Variants in RIMS4 observed in about 807,000 individuals in gnomAD.
The protein encoded by RIMS4 is regulating synaptic membrane exocytosis 4.
A neutral mutation model predicts 29.0 loss-of-function variants in RIMS4; 9 were observed. That is an observed-to-expected ratio of 0.31 (90% CI 0.19 to 0.54). The LOEUF (loss-of-function observed/expected upper bound fraction) is 0.54, where lower values mean the gene tolerates loss of function less well. RIMS4 is among the 20% of genes least tolerant of loss of function. The pLI, the probability that RIMS4 is intolerant of heterozygous loss-of-function variation, is 0.94. For synonymous variants in RIMS4, 130 were observed against 152.9 expected (o/e 0.85, Z 1.10); for missense variants, 193 against 365.7 (o/e 0.53, Z 3.85).
At chr20:44,780,723 C>T (rs753420108) in intron 1 of RIMS4, among the ~76,000 whole-genome samples, 3 of 152,166 alleles carry the variant, frequency 2.0e-5, no homozygotes, top group Non-Finnish European at 2.9e-5. Flanking sequence ...CCTGGTTCAA[C>T]GCAGGCCAGA....
intron 1 of RIMS4, among the ~76,000 whole-genome samples, chr20:44,802,608 C>A (rs1212329608): frequency 6.6e-6 from 1 of 152,204 alleles, no homozygotes; most frequent in Non-Finnish European, 1.5e-5. Context: ...CTTCCAGCTA[C>A]AGCGTGAAAG....
In RIMS4 at chr20:44,754,252, G is replaced by A. The variant is rs1358009542; in HGVS notation, c.*1882C>T. The A allele has an allele frequency of 6.5e-6, 1 of 152,748 alleles. No individual in the cohort carries two copies. Among genetic ancestry groups the A allele is most frequent in the Non-Finnish European group, 1.5e-5 (1 of 68,208 alleles). The allele number at this position is 152,748 out of a possible 1,614,324, so 9.5% of individuals were successfully genotyped here. A position where few individuals can be genotyped will look rare whatever the true frequency, so the allele number is the denominator to read the frequency against. ...CTCTGAAGACCTCCTGGGTAAAGGGGGCGTCTCCATCTCCCCTTCCCAGTG... is the reference window on the plus strand; with the variant it reads ...CTCTGAAGACCTCCTGGGTAAAGGGAGCGTCTCCATCTCCCCTTCCCAGTG... On this transcript the variant is annotated 3_prime_UTR_variant, in exon 6 of 6. Coordinates refer to ENST00000372851, the MANE Select transcript of RIMS4 (RefSeq NM_182970.4).
At chr20:44,774,264 G>T (rs999080196) in intron 1 of RIMS4, among the ~76,000 whole-genome samples, 7 of 152,156 alleles carry the variant, frequency 4.6e-5, no homozygotes, top group African/African-American at 1.7e-4. Flanking sequence ...AAATGTCACT[G>T]TGATTGTTAA....
At chr20:44,780,370 C>A (rs923400876) in intron 1 of RIMS4, among the ~76,000 whole-genome samples, 2 of 152,204 alleles carry the variant, frequency 1.3e-5, no homozygotes, top group African/African-American at 4.8e-5. Context: ...TGACTGAGCA[C>A]AGAGGACTGG....
intron 2 of RIMS4, among the ~76,000 whole-genome samples, chr20:44,769,677 C>T (rs996067257): frequency 2.0e-5 from 3 of 152,210 alleles, no homozygotes; most frequent in South Asian, 2.1e-4. Context: ...TTCTCGCCCA[C>T]GGGAAAGTCT....
intron 1 of RIMS4, among the ~76,000 whole-genome samples, chr20:44,800,631 G>A (rs151321289): frequency 3.9e-5 from 6 of 152,064 alleles, no homozygotes; most frequent in South Asian, 2.1e-4. Flanking sequence ...AGGGGCTACC[G>A]CAGAGTCAGG....
At position 44,799,971 on chromosome 20, in the gene RIMS4, G is replaced by A. The variant is rs557263778; in HGVS notation, c.97+10204C>T. On this transcript the variant is annotated intron_variant, in intron 1 of 5. Transcript: ENST00000372851. ...TTCATCTAATCCTCTTGACACCTTC[G>A]AGGCAGGATGGGGCTATGATAAGCC... Among the ~76,000 whole-genome samples the A allele has an allele frequency of 1.4e-4, 21 of 152,250 alleles. No individual in the cohort carries two copies. In the South Asian group the frequency reaches 3.3e-3, roughly 24 times the overall value.
chr20:44,789,177 G>A (rs759564293), intron 1 of RIMS4, among the ~76,000 whole-genome samples: 9 of 151,816 alleles, frequency 5.9e-5, no homozygotes, highest in Non-Finnish European at 8.8e-5. Flanking sequence ...TTAAATCCGG[G>A]TCTGTCTGAA....
intron 1 of RIMS4, among the ~76,000 whole-genome samples, chr20:44,802,887 T>G (rs140094208): frequency 1.8e-4 from 27 of 152,292 alleles, no homozygotes; most frequent in African/African-American, 6.3e-4. Flanking sequence ...TCCCTAAAAC[T>G]CAAACTCGCA....
At chr20:44,803,898 G>A (rs1184067578) in intron 1 of RIMS4, among the ~76,000 whole-genome samples, 1 of 152,300 alleles carries the variant, frequency 6.6e-6, no homozygotes, top group East Asian at 1.9e-4. Flanking sequence ...GCACTCCAAT[G>A]GGTGGGTGGA....
In RIMS4 at chr20:44,751,940, G is replaced by C. The variant is rs763802348; in HGVS notation, c.*4194C>G. The C allele has an allele frequency of 6.6e-6, 1 of 152,280 alleles. No individual in the cohort carries two copies. Among genetic ancestry groups the C allele is most frequent in the Non-Finnish European group, 1.5e-5 (1 of 68,116 alleles). 9.4% of individuals were successfully genotyped at this position (152,280 alleles called of 1,614,324 possible). On this transcript the variant is annotated 3_prime_UTR_variant, in exon 6 of 6. Coordinates refer to ENST00000372851, the MANE Select transcript of RIMS4 (RefSeq NM_182970.4). Reference sequence around the variant, plus strand: ...GGCCTGGGCGGCTGCTGCTCCAAGAGAGGGAATGAGGGAAAGGTGGGTGGA... The same window carrying C: ...GGCCTGGGCGGCTGCTGCTCCAAGACAGGGAATGAGGGAAAGGTGGGTGGA...
intron 1 of RIMS4, among the ~76,000 whole-genome samples, chr20:44,803,548 T>C (rs6103871): frequency 0.46 from 70,010 of 151,900 alleles, 17,594 homozygotes; most frequent in African/African-American, 0.66. Context: ...ACTCCCCCGT[T>C]GCAGAAACTG....
intron 1 of RIMS4, among the ~76,000 whole-genome samples, chr20:44,787,189 G>C (rs921089308): frequency 4.6e-5 from 7 of 152,156 alleles, no homozygotes; most frequent in African/African-American, 1.4e-4. Flanking sequence ...GGAGCAGACA[G>C]AGCAAGGGGG....
intron 1 of RIMS4, among the ~76,000 whole-genome samples, chr20:44,793,333 T>C (rs2066240987): frequency 6.6e-6 from 1 of 152,222 alleles, no homozygotes; most frequent in African/African-American, 2.4e-5. Context: ...AAATATGTCT[T>C]CATAATGACC....
chr20:44,775,621 T>C (rs1159765848), intron 1 of RIMS4, among the ~76,000 whole-genome samples: 2 of 152,186 alleles, frequency 1.3e-5, no homozygotes, highest in Non-Finnish European at 2.9e-5. Context: ...GGGACCTGCC[T>C]GAGAGCACAC....
intron 1 of RIMS4, among the ~76,000 whole-genome samples, chr20:44,784,562 G>A (rs2066199524): frequency 6.6e-6 from 1 of 152,224 alleles, no homozygotes; most frequent in South Asian, 2.1e-4. Flanking sequence ...TCCCAAAACT[G>A]CTTAAAATCC....
At chr20:44,805,587 A>AT (rs2066295180) in intron 1 of RIMS4, among the ~76,000 whole-genome samples, 1 of 152,046 alleles carries the variant, frequency 6.6e-6, no homozygotes, top group Non-Finnish European at 1.5e-5. Context: ...CATGAAGGAT[A>AT]TTTTAAGGCC....
At chr20:44,783,322 T>TA (rs771335493) in intron 1 of RIMS4, among the ~76,000 whole-genome samples, 1 of 152,152 alleles carries the variant, frequency 6.6e-6, no homozygotes, top group African/African-American at 2.4e-5. Context: ...TATTCAGCCA[T>TA]AAAAAGCATG....
chr20:44,760,928 G>C (rs1189483815), intron 2 of RIMS4, among the ~76,000 whole-genome samples: 2 of 152,138 alleles, frequency 1.3e-5, no homozygotes, highest in Non-Finnish European at 2.9e-5. Flanking sequence ...TGGGCAGGGG[G>C]GGATGTGGGC....
Sources: gnomAD v4.1 joint callset for allele counts (sites outside exome capture counted in the v4.1 genomes callset) on GRCh38, gnomAD v4.1.1 for gene constraint, MANE v1.5 for transcripts, NCBI Gene and HGNC (gene_info 2026-07-23, HGNC 2026-07-21) for gene names.